Variants in ARMH4 observed in about 807,000 individuals in gnomAD.
The protein encoded by ARMH4 is armadillo like helical domain containing 4, also known as armadillo-like helical domain-containing protein 4.
In ARMH4, 49 loss-of-function variants were observed where a neutral mutation model predicts 61.9. The ratio of observed to expected loss-of-function variants is 0.79; its 90% CI spans 0.63 to 1.00. The LOEUF (loss-of-function observed/expected upper bound fraction) is 1.00. Among genes scored for constraint, ARMH4 ranks in the 50% least tolerant of loss-of-function variants. The probability of loss-of-function intolerance (pLI) is 0.00; values close to 1 mark genes in which losing one functional copy is unlikely to be tolerated. For missense variants in ARMH4, 934 were observed against 930.0 expected, an observed-to-expected ratio of 1.00 and a Z score of -0.06; for synonymous variants, 368 against 341.5, an observed-to-expected ratio of 1.08 and a Z score of -0.85.
intron 4 of ARMH4, among the ~76,000 whole-genome samples, chr14:58,115,676 C>A (rs1886494126): frequency 6.6e-6 from 1 of 152,078 alleles, no homozygotes; most frequent in South Asian, 2.1e-4. Flanking sequence ...ACGAAGATGC[C>A]CAACAATGGT....
intron 5 of ARMH4, among the ~76,000 whole-genome samples, chr14:58,071,857 C>T (rs1304308885): frequency 6.6e-6 from 1 of 152,172 alleles, no homozygotes; most frequent in Admixed American, 6.5e-5. Flanking sequence ...GTGCTGACGA[C>T]AAGGGAGATA....
At chr14:58,109,666 A>G (rs1886283521) in intron 4 of ARMH4, among the ~76,000 whole-genome samples, 1 of 152,206 alleles carries the variant, frequency 6.6e-6, no homozygotes, top group Admixed American at 6.5e-5. Context: ...AAGTTTACTA[A>G]GCTGTTCTGA....
At chr14:58,092,206 G>A (rs962118223) in intron 5 of ARMH4, among the ~76,000 whole-genome samples, 4 of 151,726 alleles carry the variant, frequency 2.6e-5, no homozygotes, top group Non-Finnish European at 5.9e-5. Context: ...TAAAAATGGA[G>A]GTGATAACCT....
intron 5 of ARMH4, among the ~76,000 whole-genome samples, chr14:58,018,052 G>C (rs1882679333): frequency 6.6e-6 from 1 of 152,154 alleles, no homozygotes; most frequent in African/African-American, 2.4e-5. Flanking sequence ...AAATTGTTTT[G>C]TGAAAACTGG....
chr14:58,047,377 G>C (rs913572194), intron 5 of ARMH4, among the ~76,000 whole-genome samples: 2 of 152,204 alleles, frequency 1.3e-5, no homozygotes, highest in African/African-American at 2.4e-5. Context: ...AGAGTTTAGT[G>C]AATGTGGATT....
chr14:58,005,566 C>T (rs1227975901), intron 6 of ARMH4, among the ~76,000 whole-genome samples: 1 of 152,092 alleles, frequency 6.6e-6, no homozygotes, highest in Non-Finnish European at 1.5e-5. Flanking sequence ...AAATATCAGC[C>T]AGAGTCAAGC....
intron 5 of ARMH4, among the ~76,000 whole-genome samples, chr14:58,046,448 C>A (rs568116703): frequency 3.3e-5 from 5 of 152,280 alleles, no homozygotes; most frequent in African/African-American, 1.2e-4. Context: ...TTGCTACTCC[C>A]TTGTGCAGTA....
chr14:58,128,210 A>T (rs1264764768), intron 4 of ARMH4, among the ~76,000 whole-genome samples: 3 of 152,238 alleles, frequency 2.0e-5, no homozygotes, highest in Non-Finnish European at 4.4e-5. Context: ...TATTTTAAAG[A>T]GTTAACCCAC....
At chr14:58,114,550 T>C (rs1007113788) in intron 4 of ARMH4, among the ~76,000 whole-genome samples, 2 of 152,192 alleles carry the variant, frequency 1.3e-5, no homozygotes, top group African/African-American at 4.8e-5. Flanking sequence ...GAATCTGAAA[T>C]CCAAATAAGG....
chr14:58,134,441 T>C (rs1476447246), intron 2 of ARMH4, among the ~76,000 whole-genome samples: 2 of 152,216 alleles, frequency 1.3e-5, no homozygotes, highest in African/African-American at 4.8e-5. Context: ...TGTTTTGCCT[T>C]CAACAGACTA....
intron 5 of ARMH4, among the ~76,000 whole-genome samples, chr14:58,028,538 G>A (rs1209715499): frequency 6.6e-6 from 1 of 152,132 alleles, no homozygotes; most frequent in Non-Finnish European, 1.5e-5. Flanking sequence ...CTTTCGCTGA[G>A]GGGCAGCTTT....
intron 5 of ARMH4, among the ~76,000 whole-genome samples, chr14:58,077,605 C>T (rs1364756628): frequency 6.6e-6 from 1 of 151,946 alleles, no homozygotes; most frequent in East Asian, 1.9e-4. Context: ...AGACTCTATT[C>T]AAAAAGAAAA....
At position 58,029,037 on chromosome 14, in the gene ARMH4, C is replaced by A. The variant is rs892242142; in HGVS notation, c.2090-16887G>T. 3.3e-5 allele frequency among the ~76,000 whole-genome samples: 5 copies of A among 151,804 alleles called. No homozygotes were observed. In the East Asian group the frequency reaches 5.8e-4, roughly 18 times the overall value. ...TAGTTCTAAAATATTTTTATCAACA[C>A]CCCCCCTCCAAATACACACATACAC... is the stretch of plus-strand genomic sequence containing the variant. On this transcript the variant is annotated intron_variant, in intron 5 of 7. Transcript: ENST00000267485.
chr14:58,090,662 T>A lies in ARMH4; in HGVS notation c.2089+6062A>T, dbSNP rs147949607. On this transcript the variant is annotated intron_variant, in intron 5 of 7. Transcript: ENST00000267485. ...AGGAGGCCAAGGCAGACGGATCACT[T>A]GAGGTCAGGAGTGCAAGACCAGCCT... Among the ~76,000 whole-genome samples, 18 of 151,958 alleles carry A rather than the reference T, an allele frequency of 1.2e-4. No homozygotes were observed. The East Asian group carries it at 3.3e-3, about 28-fold the overall frequency.
intron 4 of ARMH4, 70 bp from the exon 5 acceptor site, chr14:58,097,051 G>A (rs1173899559): frequency 2.0e-6 from 3 of 1,480,292 alleles, no homozygotes; most frequent in Non-Finnish European, 2.8e-6. Flanking sequence ...TGAATCCTTG[G>A]AAATGATCCA....
intron 5 of ARMH4, among the ~76,000 whole-genome samples, chr14:58,079,478 C>T (rs910348158): frequency 6.6e-6 from 1 of 152,152 alleles, no homozygotes; most frequent in African/African-American, 2.4e-5. Context: ...AGGGCTCTGC[C>T]CCCATGATTT....
chr14:58,066,436 A>G (rs567236654), intron 5 of ARMH4, among the ~76,000 whole-genome samples: 5 of 152,278 alleles, frequency 3.3e-5, no homozygotes, highest in African/African-American at 9.6e-5. Context: ...ATTGCTTCAT[A>G]GGTACAGGGT....
At chr14:58,048,397 C>T (rs35870300) in intron 5 of ARMH4, among the ~76,000 whole-genome samples, 1,826 of 152,286 alleles carry the variant, frequency 0.012, 32 homozygotes, top group East Asian at 0.08. Context: ...CTTTAATGAA[C>T]GGCATTTGCT....
intron 6 of ARMH4, among the ~76,000 whole-genome samples, chr14:58,008,724 T>G (rs1882276807): frequency 1.3e-5 from 2 of 152,064 alleles, no homozygotes; most frequent in Admixed American, 6.6e-5. Flanking sequence ...TCCTGGGAGG[T>G]ATGTCTATGG....
Sources: gnomAD v4.1 joint callset for allele counts (sites outside exome capture counted in the v4.1 genomes callset) on GRCh38, gnomAD v4.1.1 for gene constraint, MANE v1.5 for transcripts, NCBI Gene and HGNC (gene_info 2026-07-23, HGNC 2026-07-21) for gene names.